The following SPATA16 variants were observed in gnomAD, a reference collection of about 807,000 sequenced individuals.
SPATA16 encodes the protein spermatogenesis associated 16.
SPATA16 carries 36 observed loss-of-function variants against 63.3 expected under a neutral mutation model. That is an observed-to-expected ratio of 0.57 (90% CI 0.44 to 0.75). SPATA16 has a LOEUF of 0.75. Ranked by LOEUF, SPATA16 falls within the 30% of genes least tolerant of loss-of-function variation. The pLI is 0.00. For synonymous variants in SPATA16, 203 were observed against 216.7 expected, an observed-to-expected ratio of 0.94 and a Z score of 0.56; for missense variants, 646 against 679.3, an observed-to-expected ratio of 0.95 and a Z score of 0.54.
intron 2 of SPATA16, among the ~76,000 whole-genome samples, chr3:173,081,664 G>C (rs940318806): frequency 1.3e-5 from 2 of 152,198 alleles, no homozygotes; most frequent in African/African-American, 2.4e-5. Context: ...CTTTAAAAAT[G>C]TGGTGGAGTA....
chr3:173,084,270 G>A lies in SPATA16; in HGVS notation c.612+32850C>T, dbSNP rs962882024. ...GATTTGCATTTCTCTAATGATCAGC[G>A]ATGTTGAGCTTTTTATCGTTTGTTT... is the stretch of plus-strand genomic sequence containing the variant. On this transcript the variant is annotated intron_variant, in intron 2 of 10. Transcript: ENST00000351008. Among the ~76,000 whole-genome samples, 15 of 152,152 alleles carry A rather than the reference G, an allele frequency of 9.9e-5. No individual in the cohort carries two copies. The East Asian group carries it at 1.3e-3, about 14-fold the overall frequency.
At chr3:172,931,805 T>C (rs934998715) in intron 6 of SPATA16, among the ~76,000 whole-genome samples, 1 of 152,232 alleles carries the variant, frequency 6.6e-6, no homozygotes, top group African/African-American at 2.4e-5. Context: ...GTTCACCTTA[T>C]GAAGGGTGAG....
At chr3:172,976,824 A>G in intron 5 of SPATA16, 144 bp downstream of exon 5, 1 of 711,200 alleles carries the variant, frequency 1.4e-6, no homozygotes, top group East Asian at 2.8e-5. Flanking sequence ...CTACTTCGTT[A>G]TGAATACATT....
chr3:173,087,457 A>G (rs1431057206), intron 2 of SPATA16, among the ~76,000 whole-genome samples: 1 of 152,112 alleles, frequency 6.6e-6, no homozygotes, highest in Non-Finnish European at 1.5e-5. Context: ...CAGCACACTG[A>G]TGGGTCTTAA....
intron 6 of SPATA16, among the ~76,000 whole-genome samples, chr3:172,955,948 A>C (rs1168984315): frequency 1.3e-5 from 2 of 152,126 alleles, no homozygotes; most frequent in South Asian, 2.1e-4. Context: ...TCAGCCGCAA[A>C]ACTCTGAGAG....
intron 1 of SPATA16, among the ~76,000 whole-genome samples, chr3:173,135,995 T>A (rs918731611): frequency 2.0e-5 from 3 of 152,214 alleles, no homozygotes; most frequent in African/African-American, 7.2e-5. Context: ...GACTCTGAGT[T>A]TTCCTAAGGC....
chr3:173,104,218 C>T (rs1224880321), intron 2 of SPATA16, among the ~76,000 whole-genome samples: 1 of 152,106 alleles, frequency 6.6e-6, no homozygotes, highest in Non-Finnish European at 1.5e-5. Context: ...TAAGAAGTTC[C>T]AAAGTTTCCC....
chr3:172,932,720 T>C (rs1732899475), intron 6 of SPATA16, among the ~76,000 whole-genome samples: 1 of 152,148 alleles, frequency 6.6e-6, no homozygotes, highest in Non-Finnish European at 1.5e-5. Flanking sequence ...TAAAAACAGA[T>C]AGTATATTTT....
intron 6 of SPATA16, among the ~76,000 whole-genome samples, chr3:172,941,689 T>C (rs1275687336): frequency 6.6e-6 from 1 of 152,084 alleles, no homozygotes; most frequent in East Asian, 1.9e-4. Context: ...GGATGCACTT[T>C]AGAAAGAAGG....
chr3:173,091,808 G>T (rs147045568), intron 2 of SPATA16, among the ~76,000 whole-genome samples: 2 of 152,046 alleles, frequency 1.3e-5, no homozygotes, highest in East Asian at 3.9e-4. Context: ...AGAAACTATA[G>T]GCCAGGTTAT....
intron 6 of SPATA16, among the ~76,000 whole-genome samples, chr3:172,931,047 C>T (rs1474086989): frequency 6.6e-6 from 1 of 151,766 alleles, no homozygotes; most frequent in African/African-American, 2.4e-5. Context: ...TGGTCTCGAA[C>T]TCCTGACCTC....
chr3:172,913,570 G>T, intron 10 of SPATA16, 91 bp downstream of exon 10: 2 of 1,241,148 alleles, frequency 1.6e-6, no homozygotes, highest in Non-Finnish European at 1.2e-6. Flanking sequence ...CAAAGAACTT[G>T]GGTTTCTTTT....
chr3:172,950,918 A>G (rs1429446821), intron 6 of SPATA16, among the ~76,000 whole-genome samples: 1 of 152,092 alleles, frequency 6.6e-6, no homozygotes, highest in Non-Finnish European at 1.5e-5. Flanking sequence ...TTATTTAGCA[A>G]ATAAATCTTG....
chr3:173,001,482 GA>G (rs1734827816), intron 4 of SPATA16, among the ~76,000 whole-genome samples: 1 of 152,080 alleles, frequency 6.6e-6, no homozygotes, highest in Non-Finnish European at 1.5e-5. Context: ...CCAAAAGTAT[GA>G]GGGGTTTTTA....
chr3:173,027,818 T>C (rs1230435417), intron 3 of SPATA16, among the ~76,000 whole-genome samples: 1 of 151,888 alleles, frequency 6.6e-6, no homozygotes, highest in Non-Finnish European at 1.5e-5. Flanking sequence ...ATTTCTGACT[T>C]CTTCCCCAGA....
At chr3:173,038,673 G>C (rs1267952003) in intron 3 of SPATA16, among the ~76,000 whole-genome samples, 1 of 152,032 alleles carries the variant, frequency 6.6e-6, no homozygotes, top group Non-Finnish European at 1.5e-5. Context: ...TTGTTGATAA[G>C]CATTAAATAG....
intron 3 of SPATA16, among the ~76,000 whole-genome samples, chr3:173,022,202 G>A (rs1438626605): frequency 2.6e-5 from 4 of 152,004 alleles, no homozygotes; most frequent in African/African-American, 2.4e-5. Context: ...AAAATTACTT[G>A]TAATTATAAT....
chr3:173,107,452 TCTA>T lies in SPATA16; in HGVS notation c.612+9665_612+9667del, dbSNP rs1370489968. Among the ~76,000 whole-genome samples, 5 of 135,964 alleles carry T rather than the reference TCTA, an allele frequency of 3.7e-5. No homozygotes were observed. The East Asian group carries it at 6.6e-4, about 18-fold the overall frequency. The allele number at this position is 135,964 out of a possible 152,430, so 89.2% of individuals were successfully genotyped here. ...TGAGTGTGATGAAAATCTCTCTCTC[TCTA>T]TTTTTTTTTTTTTTTACTCCCTAAG... On this transcript the variant is annotated intron_variant, in intron 2 of 10. Transcript: ENST00000351008.
chr3:173,011,334 GA>G (rs1380218447), intron 4 of SPATA16, among the ~76,000 whole-genome samples: 1 of 152,166 alleles, frequency 6.6e-6, no homozygotes, highest in Non-Finnish European at 1.5e-5. Flanking sequence ...AATAGACACA[GA>G]AAAAGCTTCC....
Sources: gnomAD v4.1 joint callset for allele counts (sites outside exome capture counted in the v4.1 genomes callset) on GRCh38, gnomAD v4.1.1 for gene constraint, MANE v1.5 for transcripts, NCBI Gene and HGNC (gene_info 2026-07-23, HGNC 2026-07-21) for gene names.